Variants in LAMP1 observed in about 807,000 individuals in gnomAD.
LAMP1 encodes lysosome associated membrane protein 1.
In LAMP1, 7 loss-of-function variants were observed where a neutral mutation model predicts 37.5. The ratio of observed to expected loss-of-function variants is 0.19; its 90% CI spans 0.11 to 0.35. The LOEUF is 0.35. Among genes scored for constraint, LAMP1 ranks in the 10% least tolerant of loss-of-function variants. The pLI is 1.00. For synonymous variants in LAMP1, 236 were observed against 229.1 expected (o/e 1.03, Z -0.27); for missense variants, 537 against 552.8 (o/e 0.97, Z 0.29).
At position 113,321,902 on chromosome 13, in the gene LAMP1, C is replaced by A. The variant is rs1426809336; in HGVS notation, c.1114+175C>A. ...GGTAACTCCCCCTGCTTTAGAGAGG[C>A]CCAGCGTGTCTCTCAGCTGGGAGCC... On this transcript the variant is annotated intron_variant, in intron 8 of 8. Transcript: ENST00000332556. The surrounding 1 kb of genome is among the most constrained non-coding windows in gnomAD (Gnocchi z 5.6). The A allele has an allele frequency of 4.7e-6, 3 of 641,044 alleles. No homozygotes were observed. The highest frequency in any genetic ancestry group is 3.0e-5 in the Admixed American group (1 of 33,770). 39.7% of individuals were successfully genotyped at this position (641,044 alleles called of 1,614,324 possible).
intron 1 of LAMP1, among the ~76,000 whole-genome samples, chr13:113,303,882 C>T (rs2042585756): frequency 6.6e-6 from 1 of 152,138 alleles, no homozygotes; most frequent in South Asian, 2.1e-4. Context: ...TGGAGACCAG[C>T]CTGGCCAACA....
At chr13:113,310,475 G>A (rs767902125) in intron 3 of LAMP1, among the ~76,000 whole-genome samples, 7 of 152,170 alleles carry the variant, frequency 4.6e-5, no homozygotes, top group Non-Finnish European at 7.3e-5. Context: ...GCAGTGAGCC[G>A]AGATCACGCC....
At chr13:113,303,055 C>T (rs1020180483) in intron 1 of LAMP1, among the ~76,000 whole-genome samples, 3 of 152,166 alleles carry the variant, frequency 2.0e-5, no homozygotes, top group South Asian at 2.1e-4. Flanking sequence ...CCCTCTGTAC[C>T]TGTGCAGATG....
intron 4 of LAMP1, among the ~76,000 whole-genome samples, chr13:113,315,576 G>C (rs995257920): frequency 1.3e-5 from 2 of 151,086 alleles, no homozygotes; most frequent in South Asian, 4.2e-4. Context: ...TTTTAGTAGA[G>C]GGGGGCGTTG....
chr13:113,320,923 T>C lies in LAMP1; in HGVS notation c.876+453T>C, dbSNP rs746319361. On this transcript the variant is annotated intron_variant, in intron 6 of 8. Coordinates refer to ENST00000332556, the MANE Select transcript of LAMP1 (RefSeq NM_005561.4). The surrounding 1 kb of genome is among the most constrained non-coding windows in gnomAD (Gnocchi z 4.4). The stretch of plus-strand genomic sequence containing the variant: ...CTTTCCAAATCATGCTTTCCTGTGC[T>C]GTGATAGCTCCTGCAGTCCCCGTTT... 4 of 219,160 alleles carry C rather than the reference T, an allele frequency of 1.8e-5. No homozygotes were observed. Among genetic ancestry groups the C allele is most frequent in the Non-Finnish European group, 3.7e-5 (4 of 108,806 alleles). The allele number at this position is 219,160 out of a possible 1,614,324, so 13.6% of individuals were successfully genotyped here. A position where few individuals can be genotyped will look rare whatever the true frequency, so the allele number is the denominator to read the frequency against.
intron 1 of LAMP1, among the ~76,000 whole-genome samples, chr13:113,303,588 T>G (rs753549495): frequency 1.3e-5 from 2 of 152,076 alleles, no homozygotes; most frequent in East Asian, 3.9e-4. Flanking sequence ...CTGACCCTTA[T>G]AGCATACATA....
rs369346453 is a variant in LAMP1, at chr13:113,306,362, A to AC, written c.62-123_62-122insC. Reference sequence around the variant, plus strand: ...CAGTGAGACTCCGTCTCAAAAAAAAAAAAAGAGAAACAGTGGAATCTTGTA... The same window carrying AC: ...CAGTGAGACTCCGTCTCAAAAAAAAACAAAAGAGAAACAGTGGAATCTTGTA... On this transcript the variant is annotated intron_variant, in intron 1 of 8. Transcript: ENST00000332556. The AC allele has an allele frequency of 2.6e-4, 315 of 1,220,856 alleles. 1 individual carries two copies. The African/African-American group carries it at 4.3e-3, about 17-fold the overall frequency. The allele number at this position is 1,220,856 out of a possible 1,614,324, so 75.6% of individuals were successfully genotyped here. A position where few individuals can be genotyped will look rare whatever the true frequency, so the allele number is the denominator to read the frequency against.
rs1439689741 is a variant in LAMP1 at position 113,323,525 on chromosome 13, G to A, written c.*1104G>A. On this transcript the variant is annotated 3_prime_UTR_variant, in exon 9 of 9. Coordinates refer to ENST00000332556, the MANE Select transcript of LAMP1 (RefSeq NM_005561.4). ...GGGTGGTCTCGGTGCAGAGAGAAGG[G>A]TGTCAGGGAAACGGGGGGTGAGGGT... 1 of 151,744 alleles carries A rather than the reference G, an allele frequency of 6.6e-6. No individual in the cohort carries two copies. Among genetic ancestry groups the A allele is most frequent in the Admixed American group, 6.6e-5 (1 of 15,220 alleles). 9.4% of individuals were successfully genotyped at this position (151,744 alleles called of 1,614,324 possible). A position where few individuals can be genotyped will look rare whatever the true frequency, so the allele number is the denominator to read the frequency against.
At chr13:113,310,087 G>C (rs2042621889) in intron 3 of LAMP1, among the ~76,000 whole-genome samples, 1 of 152,086 alleles carries the variant, frequency 6.6e-6, no homozygotes, top group Non-Finnish European at 1.5e-5. Context: ...AAATTAGCCA[G>C]GTGTGGTGGC....
At position 113,321,439 on chromosome 13, in the gene LAMP1, C is replaced by T. The variant is rs41286618; in HGVS notation, c.912C>T (p.Ile304=). 5,900 of 1,614,048 alleles carry T rather than the reference C, an allele frequency of 3.7e-3. 127 individuals carry two copies. In the Admixed American group the frequency reaches 0.054, roughly 15 times the overall value. The change falls in exon 7 of 9, where the codon ATC becomes ATT. Residue 304 remains isoleucine, a synonymous_variant. Coordinates refer to ENST00000332556, the MANE Select transcript of LAMP1 (RefSeq NM_005561.4). The surrounding 1 kb of genome is among the most constrained non-coding windows in gnomAD (Gnocchi z 5.6). ...CTAGCCGGTTTTTCCTACAAGGAAT[C>T]CAGTTGAATACAATTCTTCCTGACG... ...ASSSRFFLQG[I]QLNTILPDAR... is the part of the protein sequence containing the mutation.
Position 113,320,213 on chromosome 13 carries a change from C to CT in LAMP1, c.751-129dup. The CT allele has an allele frequency of 9.5e-7, 1 of 1,048,126 alleles. No individual in the cohort carries two copies. 64.9% of individuals were successfully genotyped at this position (1,048,126 alleles called of 1,614,324 possible). A position where few individuals can be genotyped will look rare whatever the true frequency, so the allele number is the denominator to read the frequency against. Reference sequence around the variant, plus strand: ...ATCCCGAAATCTGTACTAGTGTGGTCTTTCAGTGTTTTCCTTCTGGTTTTG... The same window carrying CT: ...ATCCCGAAATCTGTACTAGTGTGGTCTTTTCAGTGTTTTCCTTCTGGTTTTG... On this transcript the variant is annotated intron_variant, in intron 5 of 8. Coordinates refer to ENST00000332556, the MANE Select transcript of LAMP1 (RefSeq NM_005561.4). The surrounding 1 kb of genome is among the most constrained non-coding windows in gnomAD (Gnocchi z 4.4).
rs1306560152 is a variant in LAMP1, at chr13:113,297,758, T to G, written c.61+263T>G. Among the ~76,000 whole-genome samples, 1 of 152,164 alleles carries G rather than the reference T, an allele frequency of 6.6e-6. No individual in the cohort carries two copies. Among genetic ancestry groups the G allele is most frequent in the African/African-American group, 2.4e-5 (1 of 41,526 alleles). ...CTAAGGTCTGTCTCACTGAACTCAG[T>G]TTTTCTGTGGTGGTGAGTGCGAAAG... On this transcript the variant is annotated intron_variant, in intron 1 of 8. Coordinates refer to ENST00000332556, the MANE Select transcript of LAMP1 (RefSeq NM_005561.4). The surrounding 1 kb of genome is among the most constrained non-coding windows in gnomAD (Gnocchi z 4.4).
intron 1 of LAMP1, among the ~76,000 whole-genome samples, chr13:113,301,166 A>T (rs1388949426): frequency 1.3e-5 from 2 of 151,892 alleles, no homozygotes; most frequent in African/African-American, 4.8e-5. Flanking sequence ...AACCAAACAT[A>T]TGCACGGATC....
At chr13:113,317,021 G>A (rs956392594) in intron 4 of LAMP1, among the ~76,000 whole-genome samples, 12 of 152,188 alleles carry the variant, frequency 7.9e-5, no homozygotes, top group South Asian at 2.1e-4. Context: ...GCTATGAGTC[G>A]GGAACCTGGG....
intron 2 of LAMP1, among the ~76,000 whole-genome samples, chr13:113,307,461 G>A (rs1387536886): frequency 1.3e-5 from 2 of 152,028 alleles, no homozygotes; most frequent in African/African-American, 4.8e-5. Context: ...CCCAGCTCTA[G>A]TTTTCTTCGT....
chr13:113,307,585 G>GA (rs554676641), intron 2 of LAMP1, among the ~76,000 whole-genome samples: 11 of 152,094 alleles, frequency 7.2e-5, no homozygotes, highest in Non-Finnish European at 1.5e-4. Context: ...CATGCTCTGT[G>GA]AATGTGGCTT....
At chr13:113,312,016 T>C (rs2042633160) in intron 4 of LAMP1, among the ~76,000 whole-genome samples, 1 of 152,200 alleles carries the variant, frequency 6.6e-6, no homozygotes, top group Non-Finnish European at 1.5e-5. Flanking sequence ...TAGAAATATA[T>C]GGAGACATCA....
At chr13:113,307,801 A>T (rs866812790) in intron 2 of LAMP1, among the ~76,000 whole-genome samples, 286 of 135,814 alleles carry the variant, frequency 2.1e-3, no homozygotes, top group African/African-American at 9.4e-3. Context: ...TTTTTTAAAA[A>T]AAAAAAAAAA....
chr13:113,322,168 T>G, intron 8 of LAMP1, 114 bp from the exon 9 acceptor site: 1 of 1,239,368 alleles, frequency 8.1e-7, no homozygotes, highest in South Asian at 1.5e-5. Flanking sequence ...GCTGGAACCT[T>G]CCGCCAGGGT....
Sources: allele counts gnomAD v4.1 joint callset (sites outside exome capture counted in the v4.1 genomes callset), GRCh38; gene constraint gnomAD v4.1.1; non-coding constraint Gnocchi (gnomAD v3.1); transcripts MANE v1.5; gene names NCBI Gene and HGNC (gene_info 2026-07-23, HGNC 2026-07-21).